NMNAT2: variants seen among roughly 807,000 people sequenced by gnomAD.
NMNAT2 encodes the protein nicotinamide nucleotide adenylyltransferase 2.
A neutral mutation model predicts 41.6 loss-of-function variants in NMNAT2; 11 were observed. The observed-to-expected ratio is 0.26, with a 90% CI of 0.17 to 0.44. The LOEUF is 0.44. Among genes scored for constraint, NMNAT2 ranks in the 20% least tolerant of loss-of-function variants. NMNAT2 has a pLI of 1.00. For missense variants in NMNAT2, 288 were observed against 407.7 expected (o/e 0.71, Z 2.53); for synonymous variants, 148 against 151.2 (o/e 0.98, Z 0.16).
At chr1:183,417,558 G>C (rs971663679) in intron 1 of NMNAT2, among the ~76,000 whole-genome samples, 1 of 152,054 alleles carries the variant, frequency 6.6e-6, no homozygotes, top group African/African-American at 2.4e-5. Flanking sequence ...GGCGGAAAAG[G>C]GCCCCCTCCC....
intron 1 of NMNAT2, among the ~76,000 whole-genome samples, chr1:183,372,608 A>G (rs1663574526): frequency 6.6e-6 from 1 of 152,218 alleles, no homozygotes; most frequent in Non-Finnish European, 1.5e-5. Flanking sequence ...CCTACTGCAA[A>G]ATTGCTTGGT....
chr1:183,354,052 T>C (rs1328218606), intron 1 of NMNAT2, among the ~76,000 whole-genome samples: 1 of 152,174 alleles, frequency 6.6e-6, no homozygotes, highest in African/African-American at 2.4e-5. Context: ...AGATAAAATT[T>C]GAAAGGGATG....
chr1:183,323,179 G>T (rs559563730), intron 1 of NMNAT2, among the ~76,000 whole-genome samples: 1 of 152,078 alleles, frequency 6.6e-6, no homozygotes, highest in African/African-American at 2.4e-5. Flanking sequence ...TGATCCACCC[G>T]CCTCAGTCTC....
At chr1:183,364,191 G>T (rs1052071968) in intron 1 of NMNAT2, among the ~76,000 whole-genome samples, 2 of 152,208 alleles carry the variant, frequency 1.3e-5, no homozygotes, top group Non-Finnish European at 2.9e-5. Flanking sequence ...CTATGTACTA[G>T]GAACACGAAA....
chr1:183,381,187 G>A (rs1232271750), intron 1 of NMNAT2, among the ~76,000 whole-genome samples: 1 of 152,096 alleles, frequency 6.6e-6, no homozygotes, highest in Non-Finnish European at 1.5e-5. Flanking sequence ...CCAGGAGGAT[G>A]GGCATCCCCA....
chr1:183,394,985 C>A (rs1648594244), intron 1 of NMNAT2, among the ~76,000 whole-genome samples: 1 of 152,150 alleles, frequency 6.6e-6, no homozygotes, highest in South Asian at 2.1e-4. Flanking sequence ...AGTTACCCAC[C>A]CTTCTTTGCC....
chr1:183,304,602 T>C (rs1352198986), intron 1 of NMNAT2: 11 of 1,430,574 alleles, frequency 7.7e-6, no homozygotes, highest in African/African-American at 1.4e-5. Flanking sequence ...TCCTGTTTTC[T>C]TGACCATCTG....
At chr1:183,295,329 CT>C (rs1661661172) in intron 1 of NMNAT2, among the ~76,000 whole-genome samples, 1 of 151,892 alleles carries the variant, frequency 6.6e-6, no homozygotes, top group African/African-American at 2.4e-5. Flanking sequence ...TGTGAAATTT[CT>C]TAGATTAAAA....
At chr1:183,339,534 A>G (rs1662750469) in intron 1 of NMNAT2, among the ~76,000 whole-genome samples, 1 of 151,820 alleles carries the variant, frequency 6.6e-6, no homozygotes, top group Admixed American at 6.6e-5. Flanking sequence ...TACTGGGTTC[A>G]AATCCCAGAG....
chr1:183,414,325 C>T (rs545129114), intron 1 of NMNAT2, among the ~76,000 whole-genome samples: 1 of 152,066 alleles, frequency 6.6e-6, no homozygotes, highest in South Asian at 2.1e-4. Context: ...GATGAAATTC[C>T]CCAATTCCTC....
At chr1:183,257,787 T>G (rs12118467) in intron 10 of NMNAT2, among the ~76,000 whole-genome samples, 5 of 135,194 alleles carry the variant, frequency 3.7e-5, no homozygotes, top group South Asian at 2.2e-4. Context: ...GTCAATTTTG[T>G]TTTTTTTTTT....
intron 1 of NMNAT2, among the ~76,000 whole-genome samples, chr1:183,297,238 C>T (rs544795280): frequency 4.0e-4 from 60 of 151,868 alleles, no homozygotes; most frequent in African/African-American, 1.4e-3. Context: ...TGTAAAATGC[C>T]TTCTTTGCAA....
At chr1:183,362,788 G>T (rs1279667324) in intron 1 of NMNAT2, among the ~76,000 whole-genome samples, 1 of 152,148 alleles carries the variant, frequency 6.6e-6, no homozygotes, top group Admixed American at 6.5e-5. Context: ...CCTAGAAGTG[G>T]TATTGGTGGG....
At chr1:183,327,343 A>G (rs923324027) in intron 1 of NMNAT2, among the ~76,000 whole-genome samples, 2 of 152,204 alleles carry the variant, frequency 1.3e-5, no homozygotes, top group Non-Finnish European at 1.5e-5. Context: ...GGCATGAGCC[A>G]CTGTGCCTGG....
chr1:183,395,720 C>G (rs1263624064), intron 1 of NMNAT2, among the ~76,000 whole-genome samples: 1 of 152,136 alleles, frequency 6.6e-6, no homozygotes, highest in Non-Finnish European at 1.5e-5. Context: ...ATTCTTACAA[C>G]AGTCCAATAA....
At chr1:183,351,944 A>G (rs1464952276) in intron 1 of NMNAT2, among the ~76,000 whole-genome samples, 3 of 152,186 alleles carry the variant, frequency 2.0e-5, no homozygotes, top group Non-Finnish European at 4.4e-5. Flanking sequence ...CTGAGCATCA[A>G]GACAGTTGAA....
intron 1 of NMNAT2, among the ~76,000 whole-genome samples, chr1:183,298,261 T>G (rs1380780831): frequency 6.6e-6 from 1 of 152,110 alleles, no homozygotes; most frequent in African/African-American, 2.4e-5. Context: ...AAAACCTGTC[T>G]CTATTTGTAG....
At chr1:183,383,469 A>C (rs1663846574) in intron 1 of NMNAT2, among the ~76,000 whole-genome samples, 1 of 152,126 alleles carries the variant, frequency 6.6e-6, no homozygotes, top group East Asian at 1.9e-4. Context: ...TTTCTACCAC[A>C]TGGTCAGGTT....
intron 1 of NMNAT2, among the ~76,000 whole-genome samples, chr1:183,375,514 A>G (rs556585534): frequency 6.6e-6 from 1 of 152,296 alleles, no homozygotes; most frequent in East Asian, 1.9e-4. Context: ...TCCAAGTTCT[A>G]CACAGCTTCA....
Sources: allele counts gnomAD v4.1 joint callset (sites outside exome capture counted in the v4.1 genomes callset), GRCh38; gene constraint gnomAD v4.1.1; transcripts MANE v1.5; gene names NCBI Gene and HGNC (gene_info 2026-07-23, HGNC 2026-07-21).